Variants in PRDM6 observed in about 807,000 individuals in gnomAD.
The protein encoded by PRDM6 is PR/SET domain 6.
In PRDM6, 25 loss-of-function variants were observed where a neutral mutation model predicts 60.8. That is an observed-to-expected ratio of 0.41 (90% confidence interval 0.30 to 0.57). The LOEUF (loss-of-function observed/expected upper bound fraction) is 0.57. Ranked by LOEUF, PRDM6 falls within the 20% of genes least tolerant of loss-of-function variation. The pLI is 0.27. For missense variants in PRDM6, 839 were observed against 821.3 expected, an observed-to-expected ratio of 1.02 and a Z score of -0.26; for synonymous variants, 407 against 357.4, an observed-to-expected ratio of 1.14 and a Z score of -1.57.
Position 123,187,288 on chromosome 5 carries a change from C to A in PRDM6, c.*87C>A. On this transcript the variant is annotated 3_prime_UTR_variant, in exon 8 of 8. Transcript: ENST00000407847. ...AGCAAAACCAAAGATTTCCTCTGAG[C>A]AACTTTCAATCAGTCCCAGAAAACC... 2.9e-6 allele frequency: 3 copies of A among 1,034,572 alleles called. No individual in the cohort carries two copies. Among genetic ancestry groups the A allele is most frequent in the Non-Finnish European group, 4.4e-6 (3 of 686,380 alleles). 64.1% of individuals were successfully genotyped at this position (1,034,572 alleles called of 1,614,324 possible).
In PRDM6 at chr5:123,192,832, C is replaced by T. The variant is rs496968; in HGVS notation, c.*5631C>T. ...TTTCCAGGCATCAATGGAGTCATTA[C>T]GCAGTTGTGTGCATTAAGAATATGG... On this transcript the variant is annotated 3_prime_UTR_variant, in exon 8 of 8. Transcript: ENST00000407847. 86,825 of 152,070 alleles carry T rather than the reference C, an allele frequency of 0.57. 26,969 individuals carry two copies. The highest frequency in any genetic ancestry group is 0.8 in the African/African-American group (32,999 of 41,492). 9.4% of individuals were successfully genotyped at this position (152,070 alleles called of 1,614,324 possible).
chr5:123,182,817 T>C (rs1766193567), intron 7 of PRDM6, among the ~76,000 whole-genome samples: 2 of 102,950 alleles, frequency 1.9e-5, no homozygotes, highest in African/African-American at 7.9e-5. Context: ...GCTGTAGTTG[T>C]TTTTTTTTAT....
intron 3 of PRDM6, among the ~76,000 whole-genome samples, chr5:123,134,135 ACTT>A (rs1269668140): frequency 3.4e-4 from 52 of 152,146 alleles, no homozygotes; most frequent in Non-Finnish European, 8.8e-5. Context: ...GCCAAGTTGT[ACTT>A]CTTTTTCTCT....
intron 7 of PRDM6, among the ~76,000 whole-genome samples, chr5:123,186,879 T>C (rs1267356150): frequency 1.3e-5 from 2 of 152,228 alleles, no homozygotes; most frequent in Non-Finnish European, 2.9e-5. Flanking sequence ...TCCCCCTGCC[T>C]ATTGACAGAT....
intron 3 of PRDM6, among the ~76,000 whole-genome samples, chr5:123,123,763 C>G (rs1455273155): frequency 6.6e-6 from 1 of 152,084 alleles, no homozygotes; most frequent in Admixed American, 6.6e-5. Context: ...TGATACAAAC[C>G]CTTAGATGTA....
rs546994256 is a variant in PRDM6, at chr5:123,171,355, A to G, written c.1496+247A>G. 2.0e-4 allele frequency among the ~76,000 whole-genome samples: 30 copies of G among 152,344 alleles called. No individual in the cohort carries two copies. The South Asian group carries it at 5.6e-3, about 28-fold the overall frequency. On this transcript the variant is annotated intron_variant, in intron 6 of 7. Coordinates refer to ENST00000407847, the MANE Select transcript of PRDM6 (RefSeq NM_001136239.4). Reference sequence around the variant, plus strand: ...GAACAGTTCTGCCCAAGCCTAAAAGAGAGAGAAATAGAAGGAACGTTTATG... The same window carrying G: ...GAACAGTTCTGCCCAAGCCTAAAAGGGAGAGAAATAGAAGGAACGTTTATG...
intron 3 of PRDM6, among the ~76,000 whole-genome samples, chr5:123,138,032 C>CA (rs1554088086): frequency 6.6e-6 from 1 of 151,760 alleles, no homozygotes; most frequent in African/African-American, 2.4e-5. Context: ...GGTTCACCCC[C>CA]GCACCTTTCA....
chr5:123,147,606 A>C (rs909859690), intron 3 of PRDM6, among the ~76,000 whole-genome samples: 2 of 152,232 alleles, frequency 1.3e-5, no homozygotes, highest in Admixed American at 1.3e-4. Context: ...GGCACTCTCA[A>C]AAGAGTACAA....
At chr5:123,184,897 A>T (rs1766249084) in intron 7 of PRDM6, among the ~76,000 whole-genome samples, 1 of 152,184 alleles carries the variant, frequency 6.6e-6, no homozygotes, top group African/African-American at 2.4e-5. Context: ...CTGAGAAAAG[A>T]TTCTAAATTA....
rs1763811718 is a variant in PRDM6 at position 123,090,604 on chromosome 5, A to G, written c.590A>G (p.Asn197Ser). 2 of 1,466,394 alleles carry G rather than the reference A, an allele frequency of 1.4e-6. No individual in the cohort carries two copies. The highest frequency in any genetic ancestry group is 2.9e-5 in the African/African-American group (2 of 67,862). 90.8% of individuals were successfully genotyped at this position (1,466,394 alleles called of 1,614,324 possible). ...PLNQHTSDPN[N>S]RCDMCADNRN... ...AACCAGCACACCAGCGACCCCAACA[A>G]CCGTACGTAGCCGCAGCCCGCGCGC... Residue 197 changes from asparagine to serine, a missense_variant and splice_region_variant, in exon 2 of 8, where the codon AAC (asparagine) becomes AGC (serine). Asn to Ser is a conservative substitution (Grantham distance 46). Around this residue, in one of 2 missense-constraint regions of PRDM6, gnomAD observed 730 missense variants for 648.8 expected, o/e 1.13. Transcript: ENST00000407847.
chr5:123,188,162 A>T lies in PRDM6; in HGVS notation c.*961A>T, dbSNP rs1766332374. ...TCGTCAAGGCCCTTTTAGCAATTTT[A>T]TCTTTCTTCCTCTTGCAGATGAACC... On this transcript the variant is annotated 3_prime_UTR_variant, in exon 8 of 8. Coordinates refer to ENST00000407847, the MANE Select transcript of PRDM6 (RefSeq NM_001136239.4). 6.6e-6 allele frequency: 1 copy of T among 152,140 alleles called. No individual in the cohort carries two copies. The highest frequency in any genetic ancestry group is 2.4e-5 in the African/African-American group (1 of 41,448). 9.4% of individuals were successfully genotyped at this position (152,140 alleles called of 1,614,324 possible). A position where few individuals can be genotyped will look rare whatever the true frequency, so the allele number is the denominator to read the frequency against.
intron 2 of PRDM6, among the ~76,000 whole-genome samples, chr5:123,097,822 C>A (rs1052646430): frequency 6.6e-6 from 1 of 152,204 alleles, no homozygotes; most frequent in South Asian, 2.1e-4. Context: ...GGAGGCCCAG[C>A]GGCATGGACA....
chr5:123,103,423 A>G (rs2150209483), intron 3 of PRDM6, among the ~76,000 whole-genome samples: 1 of 152,192 alleles, frequency 6.6e-6, no homozygotes, highest in Middle Eastern at 3.4e-3. Flanking sequence ...TTATTCCAAG[A>G]CTTGGATGCA....
At chr5:123,090,635 C>G (rs745552269) in intron 2 of PRDM6, 29 bp downstream of exon 2, 6 of 1,399,576 alleles carry the variant, frequency 4.3e-6, no homozygotes, top group Admixed American at 5.1e-5. Flanking sequence ...CGCGCTCTCT[C>G]CCGGGGCGCC....
At chr5:123,121,599 C>T (rs1353374772) in intron 3 of PRDM6, among the ~76,000 whole-genome samples, 1 of 152,128 alleles carries the variant, frequency 6.6e-6, no homozygotes, top group Non-Finnish European at 1.5e-5. Context: ...TAACATTTCA[C>T]CTATAAATAT....
chr5:123,102,833 A>G (rs150458780), intron 3 of PRDM6, among the ~76,000 whole-genome samples: 231 of 152,148 alleles, frequency 1.5e-3, no homozygotes, highest in Middle Eastern at 0.01. Flanking sequence ...TCCTGTCACT[A>G]TTTCCAAGTA....
chr5:123,164,677 GT>G (rs936903170), intron 5 of PRDM6, among the ~76,000 whole-genome samples: 20 of 152,306 alleles, frequency 1.3e-4, no homozygotes, highest in African/African-American at 4.1e-4. Context: ...AATGACAAAG[GT>G]CTCAGGGAAA....
chr5:123,177,483 A>G (rs1267032194), intron 6 of PRDM6, among the ~76,000 whole-genome samples: 1 of 152,180 alleles, frequency 6.6e-6, no homozygotes, highest in Admixed American at 6.5e-5. Flanking sequence ...AGAATGAAGG[A>G]ATATTGCTTT....
At chr5:123,105,636 G>A (rs554913393) in intron 3 of PRDM6, among the ~76,000 whole-genome samples, 4 of 152,282 alleles carry the variant, frequency 2.6e-5, no homozygotes, top group African/African-American at 7.2e-5. Context: ...AAAACCATTT[G>A]CTATTCTAAA....
Sources: gnomAD v4.1 joint callset for allele counts (sites outside exome capture counted in the v4.1 genomes callset) on GRCh38, gnomAD v4.1.1 for gene constraint, gnomAD v4.1.1 regional missense constraint, MANE v1.5 for transcripts, NCBI Gene and HGNC (gene_info 2026-07-23, HGNC 2026-07-21) for gene names.